The following GPM6B variants were observed in gnomAD, a reference collection of about 807,000 sequenced individuals.
The protein encoded by GPM6B is glycoprotein M6B, also known as neuronal membrane glycoprotein M6-b.
A neutral mutation model predicts 27.2 loss-of-function variants in GPM6B; 4 were observed. The ratio of observed to expected loss-of-function variants is 0.15; its 90% CI spans 0.07 to 0.34. GPM6B has a LOEUF of 0.34. Ranked by LOEUF, GPM6B falls within the 10% of genes least tolerant of loss-of-function variation. The pLI, the probability that GPM6B is intolerant of heterozygous loss-of-function variation, is 1.00. For missense variants in GPM6B, 183 were observed against 261.9 expected, an observed-to-expected ratio of 0.70 and a Z score of 2.08; for synonymous variants, 124 against 103.1, an observed-to-expected ratio of 1.20 and a Z score of -1.23.
In GPM6B at chrX:13,880,401, C is replaced by T. The variant is rs753048485; in HGVS notation, c.-198+57926G>A. 1.7e-4 allele frequency among the ~76,000 whole-genome samples: 19 copies of T among 111,224 alleles called. No individual in the cohort carries two copies. In the South Asian group the frequency reaches 7.3e-3, roughly 43 times the overall value. On this transcript the variant is annotated intron_variant, in intron 1 of 6. Transcript: ENST00000398361. Reference sequence around the variant, plus strand: ...ATTTAAAAAGGCAAATCAGGCCGGGCGCGGTGGCTCACGCCTGTAATCCCA... The same window carrying T: ...ATTTAAAAAGGCAAATCAGGCCGGGTGCGGTGGCTCACGCCTGTAATCCCA...
intron 1 of GPM6B, among the ~76,000 whole-genome samples, chrX:13,859,250 C>T (rs1218486785): frequency 8.9e-6 from 1 of 112,014 alleles, no homozygotes; most frequent in Non-Finnish European, 1.9e-5. Flanking sequence ...ATCTCCTTCC[C>T]CAACCTCTGG....
intron 1 of GPM6B, among the ~76,000 whole-genome samples, chrX:13,827,197 C>G (rs754648071): frequency 2.7e-5 from 3 of 109,570 alleles, no homozygotes; most frequent in Admixed American, 9.8e-5. Flanking sequence ...CTCCCCAGCT[C>G]CAAGTCCCCT....
At chrX:13,924,754 A>G (rs148834180) in intron 1 of GPM6B, among the ~76,000 whole-genome samples, 2,569 of 111,868 alleles carry the variant, frequency 0.023, 70 homozygotes, top group East Asian at 0.19. Context: ...TGTGAACTCT[A>G]TCACTGTTTG....
rs1216671356 is a variant in GPM6B at position 13,771,553 on chromosome X, C to G, written c.*1328G>C. On this transcript the variant is annotated 3_prime_UTR_variant, in exon 8 of 8. Transcript: ENST00000316715. ...CATGTATGTTATAAAATCCAGGAAA[C>G]AGCCAAACCACAAGTTAACTCTTAA... 8.9e-6 allele frequency: 1 copy of G among 111,900 alleles called. No individual in the cohort carries two copies. Among genetic ancestry groups the G allele is most frequent in the East Asian group, 2.8e-4 (1 of 3,616 alleles). The allele number at this position is 111,900 out of a possible 1,213,427, so 9.2% of individuals were successfully genotyped here. A position where few individuals can be genotyped will look rare whatever the true frequency, so the allele number is the denominator to read the frequency against.
chrX:13,902,909 A>C (rs936424732), intron 1 of GPM6B, among the ~76,000 whole-genome samples: 2 of 111,953 alleles, frequency 1.8e-5, no homozygotes, highest in Non-Finnish European at 3.8e-5. Context: ...AGACTCAACG[A>C]AAGAGGACCC....
intron 1 of GPM6B, among the ~76,000 whole-genome samples, chrX:13,840,530 C>T (rs1377646351): frequency 9.0e-6 from 1 of 111,719 alleles, no homozygotes; most frequent in Non-Finnish European, 1.9e-5. Flanking sequence ...TCAGATGATA[C>T]TTCTTGGGCT....
At chrX:13,922,505 C>T (rs975162413) in intron 1 of GPM6B, among the ~76,000 whole-genome samples, 1 of 112,157 alleles carries the variant, frequency 8.9e-6, no homozygotes, top group African/African-American at 3.2e-5. Flanking sequence ...TGTAGGTACA[C>T]GAGGGAGAGA....
At chrX:13,816,814 T>C in intron 1 of GPM6B, 30 bp downstream of exon 1, 1 of 1,208,591 alleles carries the variant, frequency 8.3e-7, no homozygotes, top group Non-Finnish European at 1.1e-6. Flanking sequence ...TGAAAAGCTT[T>C]AAACAGGCTA....
At chrX:13,831,565 CCT>C (rs1186455261) in intron 1 of GPM6B, among the ~76,000 whole-genome samples, 2 of 111,277 alleles carry the variant, frequency 1.8e-5, no homozygotes, top group Non-Finnish European at 3.8e-5. Context: ...CCTAAGCCAT[CCT>C]CTGACTGTAC....
intron 1 of GPM6B, chrX:13,938,263 G>T (rs1410964987): frequency 1.9e-5 from 5 of 259,960 alleles, no homozygotes; most frequent in Non-Finnish European, 3.4e-5. Flanking sequence ...ACGTGCGGGG[G>T]TGCAGCCTGG....
At chrX:13,920,649 T>C (rs1458089920) in intron 1 of GPM6B, among the ~76,000 whole-genome samples, 1 of 111,330 alleles carries the variant, frequency 9.0e-6, no homozygotes. Context: ...CCCAGCACTT[T>C]GGGAGGCTGA....
At chrX:13,773,979 T>TA in intron 7 of GPM6B, 2 of 689,752 alleles carry the variant, frequency 2.9e-6, no homozygotes, top group Non-Finnish European at 3.4e-6. Flanking sequence ...TTTTTTTTTT[T>TA]CCAGAGAACT....
intron 1 of GPM6B, among the ~76,000 whole-genome samples, chrX:13,861,033 CACACACACACAT>C (rs1188714800): frequency 1.1e-3 from 99 of 91,510 alleles, no homozygotes; most frequent in Middle Eastern, 5.2e-3. Context: ...CACACACACA[CACACACACACAT>C]ATATACATAT....
At chrX:13,825,064 C>T (rs1016500477) in intron 1 of GPM6B, among the ~76,000 whole-genome samples, 4 of 111,795 alleles carry the variant, frequency 3.6e-5, no homozygotes, top group African/African-American at 1.3e-4. Context: ...CTTATAAGGA[C>T]ACCAGTCACA....
At chrX:13,779,029 T>C (rs1569185237) in intron 5 of GPM6B, among the ~76,000 whole-genome samples, 1 of 110,993 alleles carries the variant, frequency 9.0e-6, no homozygotes, top group African/African-American at 3.3e-5. Context: ...TGAAAGCTAT[T>C]CCCCCCCACC....
intron 1 of GPM6B, among the ~76,000 whole-genome samples, chrX:13,859,540 T>C (rs889356444): frequency 9.0e-6 from 1 of 111,204 alleles, no homozygotes; most frequent in Non-Finnish European, 1.9e-5. Context: ...GAAGTCTTTG[T>C]GTACAGAGAT....
chrX:13,801,789 T>G (rs950559087), intron 2 of GPM6B, among the ~76,000 whole-genome samples: 4 of 111,370 alleles, frequency 3.6e-5, no homozygotes, highest in African/African-American at 1.3e-4. Flanking sequence ...CAGCCTGACA[T>G]TTCACCCCTA....
At chrX:13,829,199 T>A (rs1476280275) in intron 1 of GPM6B, among the ~76,000 whole-genome samples, 1 of 111,231 alleles carries the variant, frequency 9.0e-6, no homozygotes, top group Non-Finnish European at 1.9e-5. Flanking sequence ...GGCCACACAC[T>A]TCCGCAACTC....
chrX:13,936,867 G>A (rs1015638289), intron 1 of GPM6B, among the ~76,000 whole-genome samples: 1 of 112,529 alleles, frequency 8.9e-6, no homozygotes, highest in Non-Finnish European at 1.9e-5. Flanking sequence ...TGTGAAAGCT[G>A]TTCTGGAGAA....
Sources: gnomAD v4.1 joint callset for allele counts (sites outside exome capture counted in the v4.1 genomes callset) on GRCh38, gnomAD v4.1.1 for gene constraint, MANE v1.5 for transcripts, NCBI Gene and HGNC (gene_info 2026-07-23, HGNC 2026-07-21) for gene names.